Variants in MLXIPL observed in about 807,000 individuals in gnomAD.
The protein encoded by MLXIPL is carbohydrate-responsive element-binding protein.
In MLXIPL, 49 loss-of-function variants were observed where a neutral mutation model predicts 81.5. The ratio of observed to expected loss-of-function variants is 0.60; its 90% CI spans 0.48 to 0.76. The LOEUF (loss-of-function observed/expected upper bound fraction) is 0.76, where lower values mean the gene tolerates loss of function less well. MLXIPL is among the 30% of genes least tolerant of loss of function. MLXIPL has a pLI of 0.00. For synonymous variants in MLXIPL, 466 were observed against 485.5 expected, an observed-to-expected ratio of 0.96 and a Z score of 0.53; for missense variants, 1,053 against 1,167.0, an observed-to-expected ratio of 0.90 and a Z score of 1.42.
chr7:73,632,734 CCTTCCTTCT>C, the MLXIPL span, among the ~76,000 whole-genome samples: 9 of 145,384 alleles, frequency 6.2e-5, no homozygotes, highest in Non-Finnish European at 1.1e-4. Context: ...CCCTTTCATT[CCTTCCTTCT>C]TTCCTTCCTT....
In MLXIPL at chr7:73,607,354, A is replaced by G. The variant is rs1795369669; in HGVS notation, c.550T>C (p.Trp184Arg). The change falls in exon 4 of 17, where the codon TGG (tryptophan) becomes CGG (arginine). Residue 184 changes from tryptophan to arginine, a missense_variant. Around this residue, in one of 3 missense-constraint regions of MLXIPL, gnomAD observed 823 missense variants for 933.0 expected, o/e 0.88. Coordinates refer to ENST00000313375, the MANE Select transcript of MLXIPL (RefSeq NM_032951.3). ...ACCCGCTTCTTGTAGTAGATGCGCC[A>G]CTTGTGGTATTCCCGCATCACCACC... is the stretch of plus-strand genomic sequence containing the variant. ...IEVVMREYHK[W>R]RIYYKKRLRK... The G allele has an allele frequency of 1.3e-6, 2 of 1,566,768 alleles. No homozygotes were observed. Among genetic ancestry groups the G allele is most frequent in the East Asian group, 2.4e-5 (1 of 42,416 alleles).
chr7:73,620,686 G>A (rs1239535398), intron 1 of MLXIPL, among the ~76,000 whole-genome samples: 7 of 151,562 alleles, frequency 4.6e-5, no homozygotes, highest in African/African-American at 1.7e-4. Flanking sequence ...AGGTTGCAGT[G>A]AGCTGAGATT....
intron 16 of MLXIPL, 118 bp downstream of exon 16, chr7:73,594,156 T>A: frequency 6.6e-7 from 1 of 1,521,530 alleles, no homozygotes; most frequent in Admixed American, 1.7e-5. Context: ...GGATGCGGGG[T>A]GGCCACAACC....
chr7:73,594,177 T>A, intron 16 of MLXIPL, 97 bp downstream of exon 16: 1 of 1,577,898 alleles, frequency 6.3e-7, no homozygotes, highest in Non-Finnish European at 8.6e-7. Flanking sequence ...CTAGGCTGTG[T>A]TGATGGCAAG....
chr7:73,633,947 AC>A, the MLXIPL span, among the ~76,000 whole-genome samples: 1 of 152,150 alleles, frequency 6.6e-6, no homozygotes, highest in East Asian at 1.9e-4. Context: ...CTACGGAAGG[AC>A]TTGGCAAAGT....
intron 15 of MLXIPL, 58 bp from the exon 16 acceptor site, chr7:73,594,461 G>A: frequency 6.3e-7 from 1 of 1,596,630 alleles, no homozygotes. Context: ...ACCACGTGGA[G>A]CCCTGATGCC....
At chr7:73,602,584 A>G (rs1794969710) in intron 7 of MLXIPL, among the ~76,000 whole-genome samples, 2 of 151,632 alleles carry the variant, frequency 1.3e-5, no homozygotes, top group South Asian at 2.1e-4. Context: ...GGAGGCTGAG[A>G]CAGGAGAATT....
chr7:73,628,046 ACCTGGGCTCAAGCGAC>A (rs1258572099), upstream of MLXIPL, among the ~76,000 whole-genome samples: 16 of 151,878 alleles, frequency 1.1e-4, 1 homozygote, highest in South Asian at 8.3e-4. Flanking sequence ...GGTCTCGAGC[ACCTGGGCTCAAGCGAC>A]CCTTCCACCA....
At position 73,606,486 on chromosome 7, in the gene MLXIPL, C is replaced by G. The variant is rs111269178; in HGVS notation, c.619-375G>C. 5.3e-3 allele frequency: 1,761 copies of G among 331,158 alleles called. 22 individuals carry two copies. The highest frequency in any genetic ancestry group is 0.034 in the African/African-American group (1,524 of 45,334). The allele number at this position is 331,158 out of a possible 1,614,324, so 20.5% of individuals were successfully genotyped here. A position where few individuals can be genotyped will look rare whatever the true frequency, so the allele number is the denominator to read the frequency against. On this transcript the variant is annotated intron_variant, in intron 5 of 16. Transcript: ENST00000313375. ...TGTTGCCCAGGCTGGAGTGCAGTGG[C>G]GCAATCTCAGCTCACTGCAACCTCC...
Position 73,596,693 on chromosome 7 carries a change from A to C in MLXIPL, c.1768T>G (p.Ser590Ala), listed in dbSNP as rs1008090026. ...GCTTTGGGGACAAGCAGGGGCCTGG[A>C]AGGGGCCAATGTGGCCGGGCCTGGA... ...PPPGPATLAP[S>A]RPLLVPKAER... The change falls in exon 11 of 17, where the codon TCC becomes GCC. Residue 590 changes from serine to alanine, a missense_variant. By Grantham distance (99) the Ser-to-Ala change is moderately conservative. Transcript: ENST00000313375. The surrounding 1 kb of genome is among the most constrained non-coding windows in gnomAD (Gnocchi z 4.7). 1.9e-6 allele frequency: 3 copies of C among 1,589,672 alleles called. No individual in the cohort carries two copies. The highest frequency in any genetic ancestry group is 1.3e-5 in the African/African-American group (1 of 74,608).
chr7:73,626,145 A>G (rs1441144247), upstream of MLXIPL, among the ~76,000 whole-genome samples: 1 of 152,014 alleles, frequency 6.6e-6, no homozygotes, highest in Admixed American at 6.6e-5. Flanking sequence ...CCGGGATTAC[A>G]AGTGCCCGCC....
In MLXIPL at chr7:73,597,669, C is replaced by T; in HGVS notation, c.1116G>A (p.Leu372=). 1 of 1,377,902 alleles carries T rather than the reference C, an allele frequency of 7.3e-7. No homozygotes were observed. 85.4% of individuals were successfully genotyped at this position (1,377,902 alleles called of 1,614,324 possible). ...CTTCAGGAAGGAGGAAATCAGAACT[C>T]AGGAAGGCGCTGGAGTCCAAGGGGC... ...CPGPLDSSAF[L]SSDFLLPEDP... Residue 372 remains leucine, a synonymous_variant, in exon 9 of 17, where the codon CTG becomes CTA. Transcript: ENST00000313375.
the MLXIPL span, among the ~76,000 whole-genome samples, chr7:73,633,457 C>G: frequency 6.6e-6 from 1 of 151,608 alleles, no homozygotes; most frequent in Admixed American, 6.6e-5. Context: ...GCAGTCCTCC[C>G]GCCATGGTGT....
At chr7:73,601,492 G>A (rs1794818357) in intron 7 of MLXIPL, among the ~76,000 whole-genome samples, 2 of 152,016 alleles carry the variant, frequency 1.3e-5, no homozygotes, top group Non-Finnish European at 2.9e-5. Flanking sequence ...GTACAGAAAG[G>A]AGGTGCCCAG....
Position 73,615,741 on chromosome 7 carries a change from C to T in MLXIPL, c.400+330G>A, listed in dbSNP as rs782550120. 5.3e-5 allele frequency among the ~76,000 whole-genome samples: 8 copies of T among 151,830 alleles called. No homozygotes were observed. In the South Asian group the frequency reaches 6.2e-4, roughly 12 times the overall value. On this transcript the variant is annotated intron_variant, in intron 2 of 16. Transcript: ENST00000313375. ...ACCAGCCTGGCCAACATGGTGAAAC[C>T]GTCTCTACTAAAAATACAAAAATTA... is the stretch of plus-strand genomic sequence containing the variant.
At chr7:73,602,052 G>A (rs1432683114) in intron 7 of MLXIPL, among the ~76,000 whole-genome samples, 5 of 150,656 alleles carry the variant, frequency 3.3e-5, no homozygotes, top group African/African-American at 9.9e-5. Flanking sequence ...ATGGCAAAAC[G>A]GTGTCTTCTT....
chr7:73,642,344 A>G, the MLXIPL span, among the ~76,000 whole-genome samples: 1 of 151,564 alleles, frequency 6.6e-6, no homozygotes, highest in Non-Finnish European at 1.5e-5. Context: ...GGAGGTTTCT[A>G]TTTATTTATT....
chr7:73,604,855 C>T (rs1468824234), intron 7 of MLXIPL, among the ~76,000 whole-genome samples: 1 of 152,040 alleles, frequency 6.6e-6, no homozygotes, highest in African/African-American at 2.4e-5. Flanking sequence ...ACCTCTGCCT[C>T]TCAGGTTCAA....
rs1044883315 is a variant in MLXIPL, at chr7:73,623,342, A to G, written c.293+858T>C. 2.6e-5 allele frequency among the ~76,000 whole-genome samples: 4 copies of G among 152,168 alleles called. No homozygotes were observed. The highest frequency in any genetic ancestry group is 4.4e-5 in the Non-Finnish European group (3 of 68,034). On this transcript the variant is annotated intron_variant, in intron 1 of 16. Transcript: ENST00000313375. This position sits in a 1 kb window ranked among gnomAD's most constrained non-coding sequence, Gnocchi z 5.7. ...CCTACGGGTTTTCGGTTGATAATTT[A>G]TACTGGCCCCTCAACTCCGGGGAAC...
Sources: gnomAD v4.1 joint callset for allele counts (sites outside exome capture counted in the v4.1 genomes callset) on GRCh38, gnomAD v4.1.1 for gene constraint, gnomAD v4.1.1 regional missense constraint, Gnocchi (gnomAD v3.1) non-coding constraint, MANE v1.5 for transcripts, NCBI Gene and HGNC (gene_info 2026-07-23, HGNC 2026-07-21) for gene names.